The following KMT2A variants were observed in gnomAD, a reference collection of about 807,000 sequenced individuals.
KMT2A encodes the protein lysine methyltransferase 2A, also known as histone-lysine N-methyltransferase 2A.
Under a neutral mutation model 345.3 loss-of-function variants are expected in KMT2A, and 16 were observed. The observed-to-expected ratio is 0.05, with a 90% CI of 0.03 to 0.07. The LOEUF is 0.07. Ranked by LOEUF, KMT2A falls within the 10% of genes least tolerant of loss-of-function variation. The probability of loss-of-function intolerance (pLI) is 1.00; values close to 1 mark genes in which losing one functional copy is unlikely to be tolerated. For missense variants in KMT2A, 3,272 were observed against 4,841.6 expected (o/e 0.68, Z 9.62); for synonymous variants, 1,599 against 1,778.6 (o/e 0.90, Z 2.54).
intron 2 of KMT2A, among the ~76,000 whole-genome samples, chr11:118,469,060 A>G (rs1447169643): frequency 6.6e-6 from 1 of 152,152 alleles, no homozygotes; most frequent in Non-Finnish European, 1.5e-5. Flanking sequence ...TTACATATGT[A>G]TACATGTGCC....
chr11:118,440,782 ATT>A (rs797030448), intron 1 of KMT2A, among the ~76,000 whole-genome samples: 22 of 133,900 alleles, frequency 1.6e-4, no homozygotes, highest in Admixed American at 1.5e-4. Flanking sequence ...GGAGAGCGTG[ATT>A]TTTTTTTTTT....
chr11:118,512,959 G>C (rs1258574424), intron 31 of KMT2A, among the ~76,000 whole-genome samples: 1 of 152,192 alleles, frequency 6.6e-6, no homozygotes, highest in Admixed American at 6.5e-5. Context: ...ATTTTAATCA[G>C]TGGATGCTGT....
At chr11:118,437,354 C>T (rs1949211032) in intron 1 of KMT2A, among the ~76,000 whole-genome samples, 1 of 152,178 alleles carries the variant, frequency 6.6e-6, no homozygotes, top group African/African-American at 2.4e-5. Context: ...AGATGTGTTA[C>T]TCCTAGGGCA....
intron 3 of KMT2A, among the ~76,000 whole-genome samples, chr11:118,475,029 A>G (rs935671838): frequency 2.2e-4 from 34 of 151,750 alleles, no homozygotes; most frequent in African/African-American, 8.0e-4. Flanking sequence ...GCTACTGGGG[A>G]GATTGAGGCA....
At position 118,522,382 on chromosome 11, in the gene KMT2A, T is replaced by C. The variant is rs1041713993; in HGVS notation, c.*210T>C. The C allele has an allele frequency of 2.1e-5, 12 of 559,348 alleles. No individual in the cohort carries two copies. The highest frequency in any genetic ancestry group is 1.7e-4 in the African/African-American group (9 of 53,440). The allele number at this position is 559,348 out of a possible 1,614,324, so 34.6% of individuals were successfully genotyped here. ...GTTGAGGTCTCGAAGAAAAGATCCA[T>C]GATCGGCTTTCTCCTGGGGCCCCTC... is the stretch of plus-strand genomic sequence containing the variant. On this transcript the variant is annotated 3_prime_UTR_variant, in exon 36 of 36. Transcript: ENST00000534358. This position sits in a 1 kb window ranked among gnomAD's most constrained non-coding sequence, Gnocchi z 5.4.
rs369443279 is a variant in KMT2A, at chr11:118,502,596, C to T, written c.6704C>T (p.Thr2235Ile). Residue 2235 changes from threonine (T) to isoleucine (I), a missense_variant, in exon 27 of 36, where the codon ACC becomes ATC. Transcript: ENST00000534358. The surrounding 1 kb of genome is among the most constrained non-coding windows in gnomAD (Gnocchi z 4.9). Reference protein sequence around the residue: ...NNVSSVSTTGTATDLESSAKV... With the variant: ...NNVSSVSTTGIATDLESSAKV... ...GTTTCCTCAGTCTCCACCACCGGGA[C>T]CGCTACTGATCTTGAATCAAGTGCC... 1.2e-6 allele frequency: 2 copies of T among 1,614,020 alleles called. No homozygotes were observed. Among genetic ancestry groups the T allele is most frequent in the African/African-American group, 2.7e-5 (2 of 74,926 alleles).
chr11:118,515,888 ATGT>A (rs1433537919), intron 31 of KMT2A, among the ~76,000 whole-genome samples: 1 of 151,812 alleles, frequency 6.6e-6, no homozygotes, highest in Non-Finnish European at 1.5e-5. Flanking sequence ...GGATTTCACC[ATGT>A]TGGCCAGGAT....
intron 1 of KMT2A, chr11:118,439,195 A>G (rs955365162): frequency 2.3e-5 from 9 of 398,630 alleles, no homozygotes; most frequent in African/African-American, 1.5e-4. Flanking sequence ...AAAAACTGAC[A>G]TTTCATTTAC....
At position 118,499,936 on chromosome 11, in the gene KMT2A, G is replaced by C. The variant is rs1555045187; in HGVS notation, c.6158+23G>C. On this transcript the variant is annotated intron_variant, in intron 24 of 35. Coordinates refer to ENST00000534358, the MANE Select transcript of KMT2A (RefSeq NM_001197104.2). ...TCAGTAAGTAGCACTATAAAGAGAA[G>C]AGAGCAGCCCCACAACCTGAACACA... The C allele has an allele frequency of 2.6e-6, 4 of 1,521,130 alleles. No homozygotes were observed. The Admixed American group carries it at 6.7e-5, about 25-fold the overall frequency. The allele number at this position is 1,521,130 out of a possible 1,614,324, so 94.2% of individuals were successfully genotyped here. A position where few individuals can be genotyped will look rare whatever the true frequency, so the allele number is the denominator to read the frequency against.
At position 118,506,335 on chromosome 11, in the gene KMT2A, C is replaced by T. The variant is rs782731658; in HGVS notation, c.10443C>T (p.Pro3481=). 1.1e-5 allele frequency: 18 copies of T among 1,614,032 alleles called. No individual in the cohort carries two copies. Among genetic ancestry groups the T allele is most frequent in the Non-Finnish European group, 1.5e-5 (18 of 1,180,036 alleles). Residue 3481 remains proline, a synonymous_variant, in exon 27 of 36, where the codon CCC becomes CCT. Transcript: ENST00000534358. ...GTGATCTTGATTCTGCTTCAGGGCC[C>T]CAGGTATCCAACTTTACCCAGACGG... ...SQRDLDSASG[P]QVSNFTQTVD... is the part of the protein sequence containing the mutation.
chr11:118,492,973 C>A, intron 15 of KMT2A, 84 bp from the exon 16 acceptor site: 1 of 1,015,042 alleles, frequency 9.9e-7, no homozygotes, highest in Non-Finnish European at 1.5e-6. Context: ...TCATTCAGTA[C>A]CATCTTTATT....
chr11:118,472,191 T>C lies in KMT2A; in HGVS notation c.1032T>C (p.Asp344=), dbSNP rs1555035774. 1 of 1,613,836 alleles carries C rather than the reference T, an allele frequency of 6.2e-7. No homozygotes were observed. ...KEGTPPLTKE[D]KTVVRQSPRR... ...GAACACCTCCACTTACAAAAGAAGA[T>C]AAGACAGTTGTCAGACAAAGCCCTC... The change falls in exon 3 of 36, where the codon GAT becomes GAC. Residue 344 remains aspartate, a synonymous_variant. Coordinates refer to ENST00000534358, the MANE Select transcript of KMT2A (RefSeq NM_001197104.2).
At chr11:118,469,615 A>G (rs1555034998) in intron 2 of KMT2A, among the ~76,000 whole-genome samples, 2 of 152,234 alleles carry the variant, frequency 1.3e-5, no homozygotes, top group Admixed American at 1.3e-4. Flanking sequence ...AGTTCTGTAT[A>G]GGAGAAAGCT....
chr11:118,517,430 GA>G (rs1270176650), intron 31 of KMT2A, among the ~76,000 whole-genome samples: 1 of 148,320 alleles, frequency 6.7e-6, no homozygotes, highest in Non-Finnish European at 1.5e-5. Flanking sequence ...AAAGAAAAAA[GA>G]GTTTGCCATT....
intron 11 of KMT2A, 64 bp from the exon 12 acceptor site, chr11:118,489,724 TACTA>T (rs1950294445): frequency 1.3e-5 from 16 of 1,266,340 alleles, no homozygotes; most frequent in Admixed American, 1.7e-5. Context: ...TGAAATGGGG[TACTA>T]AGTAATAGGT....
At position 118,494,861 on chromosome 11, in the gene KMT2A, A is replaced by G. The variant is rs1950379606; in HGVS notation, c.5363+94A>G. 1 of 951,024 alleles carries G rather than the reference A, an allele frequency of 1.1e-6. No individual in the cohort carries two copies. The highest frequency in any genetic ancestry group is 1.4e-5 in the South Asian group (1 of 69,066). The allele number at this position is 951,024 out of a possible 1,614,324, so 58.9% of individuals were successfully genotyped here. On this transcript the variant is annotated intron_variant, in intron 18 of 35. Transcript: ENST00000534358. The surrounding 1 kb of genome is among the most constrained non-coding windows in gnomAD (Gnocchi z 5.8). ...GATTGCAGTTTTCCAAAAGGTTTTA[A>G]TACTAGAAATGAATTGGTTGAAATG...
Position 118,505,632 on chromosome 11 carries a change from C to A in KMT2A, c.9740C>A (p.Ala3247Asp), listed in dbSNP as rs1555047923. The change falls in exon 27 of 36, where the codon GCC (alanine) becomes GAC (aspartate). Residue 3247 changes from alanine (A) to aspartate (D), a missense_variant. By Grantham distance (126) the Ala-to-Asp change is moderately radical. Coordinates refer to ENST00000534358, the MANE Select transcript of KMT2A (RefSeq NM_001197104.2). This position sits in a 1 kb window ranked among gnomAD's most constrained non-coding sequence, Gnocchi z 4.6. Reference sequence around the variant, plus strand: ...CCCTCTAGTACCCCTTCAAACATTGCCCCTTCTGATGTGGTTTCTAATATG... The same window carrying A: ...CCCTCTAGTACCCCTTCAAACATTGACCCTTCTGATGTGGTTTCTAATATG... The part of the protein sequence containing the change: ...LAPSSTPSNI[A>D]PSDVVSNMTL... The A allele has an allele frequency of 5.6e-6, 9 of 1,614,106 alleles. No individual in the cohort carries two copies. Among genetic ancestry groups the A allele is most frequent in the Non-Finnish European group, 7.6e-6 (9 of 1,179,988 alleles).
At position 118,498,113 on chromosome 11, in the gene KMT2A, C is replaced by T. The variant is rs1449161909; in HGVS notation, c.5802+40C>T. On this transcript the variant is annotated intron_variant, in intron 21 of 35. Coordinates refer to ENST00000534358, the MANE Select transcript of KMT2A (RefSeq NM_001197104.2). The surrounding 1 kb of genome is among the most constrained non-coding windows in gnomAD (Gnocchi z 4.4). ...GTAAATTTTATGAAAGAGATTCCCT[C>T]TCAGTTTCCAGATATTCTTCCTGTG... 3.7e-6 allele frequency: 6 copies of T among 1,604,052 alleles called. No individual in the cohort carries two copies. The African/African-American group carries it at 6.7e-5, about 18-fold the overall frequency.
intron 1 of KMT2A, among the ~76,000 whole-genome samples, chr11:118,467,359 A>G (rs1282302199): frequency 6.6e-6 from 1 of 151,796 alleles, no homozygotes; most frequent in Non-Finnish European, 1.5e-5. Flanking sequence ...CCTGGGTGAC[A>G]GAGCAAGACT....
Sources: allele counts gnomAD v4.1 joint callset (sites outside exome capture counted in the v4.1 genomes callset), GRCh38; gene constraint gnomAD v4.1.1; non-coding constraint Gnocchi (gnomAD v3.1); transcripts MANE v1.5; gene names NCBI Gene and HGNC (gene_info 2026-07-23, HGNC 2026-07-21).